MICU2: variants seen among roughly 807,000 people sequenced by gnomAD.
MICU2 encodes the protein mitochondrial calcium uptake 2.
MICU2 carries 64 observed loss-of-function variants against 60.4 expected under a neutral mutation model. The observed-to-expected ratio is 1.06, with a 90% CI of 0.87 to 1.31. The LOEUF (loss-of-function observed/expected upper bound fraction) is 1.31, where lower values mean the gene tolerates loss of function less well. MICU2 is among the 50% of genes most tolerant of loss of function. MICU2 has a pLI of 0.00. For missense variants in MICU2, 569 were observed against 531.0 expected, an observed-to-expected ratio of 1.07 and a Z score of -0.70; for synonymous variants, 201 against 175.0, an observed-to-expected ratio of 1.15 and a Z score of -1.17.
At chr13:21,535,667 T>C (rs1887113453) in intron 4 of MICU2, among the ~76,000 whole-genome samples, 1 of 152,126 alleles carries the variant, frequency 6.6e-6, no homozygotes, top group Admixed American at 6.5e-5. Flanking sequence ...ATAGCAATAT[T>C]ACCAATTATA....
intron 2 of MICU2, among the ~76,000 whole-genome samples, chr13:21,553,105 T>C (rs945577907): frequency 7.2e-5 from 11 of 152,202 alleles, no homozygotes; most frequent in South Asian, 4.1e-4. Context: ...TTTTATTTCA[T>C]TGAGCAGTGG....
chr13:21,597,147 T>G (rs1183083002), intron 1 of MICU2, among the ~76,000 whole-genome samples: 1 of 152,206 alleles, frequency 6.6e-6, no homozygotes, highest in Non-Finnish European at 1.5e-5. Context: ...CAGGTTAAAT[T>G]GACCCATCTT....
At chr13:21,559,112 A>G (rs1252075619) in intron 2 of MICU2, among the ~76,000 whole-genome samples, 3 of 152,164 alleles carry the variant, frequency 2.0e-5, no homozygotes, top group Non-Finnish European at 4.4e-5. Flanking sequence ...GATGTTCTTT[A>G]ATGTGCTATA....
intron 4 of MICU2, among the ~76,000 whole-genome samples, chr13:21,528,849 A>T (rs765102529): frequency 3.3e-5 from 5 of 152,224 alleles, no homozygotes; most frequent in Non-Finnish European, 7.3e-5. Context: ...TTCCCAGAAG[A>T]AGTGAAGCTT....
chr13:21,550,717 G>A (rs961170613), intron 2 of MICU2, among the ~76,000 whole-genome samples: 4 of 152,134 alleles, frequency 2.6e-5, no homozygotes, highest in Admixed American at 6.6e-5. Flanking sequence ...TCCTTAGTAA[G>A]AGTGACAGTT....
chr13:21,517,027 T>C (rs1298890247), intron 6 of MICU2, among the ~76,000 whole-genome samples: 1 of 152,236 alleles, frequency 6.6e-6, no homozygotes, highest in Non-Finnish European at 1.5e-5. Flanking sequence ...GATTAACCAT[T>C]CCTGGCTTTG....
intron 4 of MICU2, among the ~76,000 whole-genome samples, chr13:21,522,987 A>G (rs577998604): frequency 5.9e-5 from 9 of 152,314 alleles, no homozygotes; most frequent in Admixed American, 4.6e-4. Flanking sequence ...GACTCGGTAA[A>G]GCAGGCTGTT....
At chr13:21,591,553 C>T (rs971548892) in intron 1 of MICU2, among the ~76,000 whole-genome samples, 2 of 151,980 alleles carry the variant, frequency 1.3e-5, no homozygotes, top group African/African-American at 4.8e-5. Context: ...GAACTCTCTA[C>T]CCCAAATCAA....
chr13:21,500,588 T>G (rs1339450704), intron 9 of MICU2, among the ~76,000 whole-genome samples: 1 of 151,752 alleles, frequency 6.6e-6, no homozygotes, highest in Admixed American at 6.6e-5. Context: ...CTACTTTTTT[T>G]TGTATTTTTT....
chr13:21,531,098 A>C (rs1392500640), intron 4 of MICU2: 1 of 974,272 alleles, frequency 1.0e-6, no homozygotes, highest in Non-Finnish European at 1.7e-6. Context: ...ATTTACAACC[A>C]AGGCATAGTT....
intron 2 of MICU2, among the ~76,000 whole-genome samples, chr13:21,564,157 A>G (rs1401608308): frequency 6.6e-6 from 1 of 152,198 alleles, no homozygotes; most frequent in African/African-American, 2.4e-5. Flanking sequence ...TCTGCTATAT[A>G]TAAATCTGAT....
intron 1 of MICU2, among the ~76,000 whole-genome samples, chr13:21,596,321 A>G (rs1163041585): frequency 6.6e-6 from 1 of 152,048 alleles, no homozygotes; most frequent in East Asian, 1.9e-4. Flanking sequence ...CTCCACTCCC[A>G]GGACTCACTT....
rs76272207 is a variant in MICU2, at chr13:21,528,237, T to C, written c.467-5587A>G. ...AGAGTATAAATTTTGATAGTTCTTA[T>C]ATGTGGTAAGATGGAATATTTCAAA... On this transcript the variant is annotated intron_variant, in intron 4 of 11. Transcript: ENST00000382374. 2.1e-4 allele frequency among the ~76,000 whole-genome samples: 32 copies of C among 152,320 alleles called. 1 individual carries two copies. In the East Asian group the frequency reaches 6.2e-3, roughly 29 times the overall value.
intron 1 of MICU2, among the ~76,000 whole-genome samples, chr13:21,569,992 A>C (rs1256755465): frequency 6.6e-6 from 1 of 152,144 alleles, no homozygotes; most frequent in Non-Finnish European, 1.5e-5. Context: ...GGGTAATGGT[A>C]GTTGGGAAAG....
At chr13:21,525,181 ATTTTTT>A (rs71093324) in intron 4 of MICU2, among the ~76,000 whole-genome samples, 30 of 83,306 alleles carry the variant, frequency 3.6e-4, no homozygotes, top group South Asian at 1.1e-3. Context: ...GTGTAATTCA[ATTTTTT>A]TTTTTTTTTT....
intron 2 of MICU2, among the ~76,000 whole-genome samples, chr13:21,552,777 C>T (rs944414969): frequency 9.9e-5 from 15 of 152,192 alleles, no homozygotes; most frequent in Admixed American, 7.2e-4. Flanking sequence ...CTGTTCTGTT[C>T]CATTGATCTA....
At position 21,597,289 on chromosome 13, in the gene MICU2, A is replaced by G. The variant is rs1247202380; in HGVS notation, c.210+6650T>C. Among the ~76,000 whole-genome samples, 5 of 152,184 alleles carry G rather than the reference A, an allele frequency of 3.3e-5. No individual in the cohort carries two copies. The East Asian group carries it at 7.7e-4, about 23-fold the overall frequency. On this transcript the variant is annotated intron_variant, in intron 1 of 11. Coordinates refer to ENST00000382374, the MANE Select transcript of MICU2 (RefSeq NM_152726.3). ...TTTCTAGGCCCTTGGGACATAGCAG[A>G]TAAGAGCGAAGTCTCTTATTTACTT... is the stretch of plus-strand genomic sequence containing the variant.
intron 2 of MICU2, among the ~76,000 whole-genome samples, chr13:21,560,505 T>C (rs1887814290): frequency 6.6e-6 from 1 of 152,214 alleles, no homozygotes; most frequent in African/African-American, 2.4e-5. Flanking sequence ...TGAGGTTTTA[T>C]AATAAAGCTC....
At chr13:21,505,047 T>G (rs946962407) in intron 8 of MICU2, among the ~76,000 whole-genome samples, 2 of 152,154 alleles carry the variant, frequency 1.3e-5, no homozygotes, top group Non-Finnish European at 2.9e-5. Flanking sequence ...AGTATCAATA[T>G]CCTCCCCAAT....
Sources: gnomAD v4.1 joint callset for allele counts (sites outside exome capture counted in the v4.1 genomes callset) on GRCh38, gnomAD v4.1.1 for gene constraint, MANE v1.5 for transcripts, NCBI Gene and HGNC (gene_info 2026-07-23, HGNC 2026-07-21) for gene names.